Variants in CLN8 observed in about 807,000 individuals in gnomAD.
CLN8 encodes the protein CLN8 transmembrane ER and ERGIC protein.
In CLN8, 14 loss-of-function variants were observed where a neutral mutation model predicts 15.7. The ratio of observed to expected loss-of-function variants is 0.89; its 90% confidence interval spans 0.59 to 1.39. CLN8 has a LOEUF of 1.39. Among genes scored for constraint, CLN8 ranks in the 40% most tolerant of loss-of-function variants. CLN8 has a pLI of 0.00. For missense variants in CLN8, 415 were observed against 364.0 expected (o/e 1.14, Z -1.14); for synonymous variants, 188 against 151.0 (o/e 1.25, Z -1.80).
At chr8:1,760,683 AG>A (rs573476222), upstream of CLN8, among the ~76,000 whole-genome samples, 62 of 152,260 alleles carry the variant, frequency 4.1e-4, no homozygotes, top group South Asian at 0.011. Flanking sequence ...TGCTGTTAGT[AG>A]GAATCTAAGG....
intron 1 of CLN8, chr8:1,764,659 AGT>A (rs374556179): frequency 6.5e-6 from 1 of 153,178 alleles, no homozygotes; most frequent in East Asian, 1.9e-4. Context: ...AGGTCACCAA[AGT>A]GTGCGGGGGA....
At chr8:1,777,265 G>C (rs1801557182) in intron 2 of CLN8, among the ~76,000 whole-genome samples, 1 of 152,138 alleles carries the variant, frequency 6.6e-6, no homozygotes, top group African/African-American at 2.4e-5. Context: ...CCATGTTAAA[G>C]ATGAAAAATG....
intron 1 of CLN8, chr8:1,765,089 G>A (rs1164806486): frequency 6.6e-6 from 1 of 152,204 alleles, no homozygotes; most frequent in Non-Finnish European, 1.5e-5. Context: ...TGGAGGCTGT[G>A]GTTGTTAAGG....
upstream of CLN8, among the ~76,000 whole-genome samples, chr8:1,753,318 C>T (rs1585113676): frequency 7.8e-5 from 1 of 12,812 alleles, no homozygotes; most frequent in African/African-American, 1.8e-4. Flanking sequence ...TGCCTGTAAT[C>T]CCAGCACTTT....
At chr8:1,772,551 C>T (rs1009971459) in intron 2 of CLN8, among the ~76,000 whole-genome samples, 6 of 152,132 alleles carry the variant, frequency 3.9e-5, no homozygotes, top group Admixed American at 2.6e-4. Flanking sequence ...CTCCGCCACC[C>T]GGATTCAAGC....
upstream of CLN8, among the ~76,000 whole-genome samples, chr8:1,753,389 G>A (rs984936701): frequency 6.6e-6 from 1 of 151,900 alleles, no homozygotes; most frequent in African/African-American, 2.4e-5. Context: ...TGGCCAATAC[G>A]GTGAAAACCC....
chr8:1,755,263 G>GAACTAACTAAC (rs1800641714), upstream of CLN8, among the ~76,000 whole-genome samples: 3 of 152,184 alleles, frequency 2.0e-5, no homozygotes, highest in Non-Finnish European at 4.4e-5. Context: ...AACTAACAGA[G>GAACTAACTAAC]AGGTTAGTCT....
chr8:1,756,606 G>C (rs2130944717), intron 1 of CLN8, among the ~76,000 whole-genome samples: 1 of 122,842 alleles, frequency 8.1e-6, no homozygotes, highest in East Asian at 2.4e-4. Context: ...CTATAAATTT[G>C]TTCCTAAAAT....
upstream of CLN8, among the ~76,000 whole-genome samples, chr8:1,761,085 T>C (rs577907360): frequency 1.1e-4 from 16 of 142,926 alleles, no homozygotes; most frequent in East Asian, 3.1e-3. Context: ...AGTGGCATGA[T>C]CTCGGCTCAC....
intron 2 of CLN8, chr8:1,779,863 G>C (rs1801653857): frequency 4.0e-6 from 3 of 748,370 alleles, no homozygotes; most frequent in South Asian, 6.1e-5. Context: ...ATGGGAGCTT[G>C]ATATACCTGT....
upstream of CLN8, chr8:1,763,166 C>T (rs1800849386): frequency 6.6e-6 from 1 of 151,992 alleles, no homozygotes; most frequent in Admixed American, 6.5e-5. Context: ...GCTCCGTCCA[C>T]ACCCGGAGCG....
At chr8:1,757,250 A>G (rs991998104) in intron 1 of CLN8, among the ~76,000 whole-genome samples, 28 of 152,150 alleles carry the variant, frequency 1.8e-4, no homozygotes, top group African/African-American at 6.5e-4. Context: ...GAAGCCTGGT[A>G]GCTTCTCCCC....
At position 1,780,763 on chromosome 8, in the gene CLN8, C is replaced by A; in HGVS notation, c.*196C>A. 1.6e-6 allele frequency: 1 copy of A among 640,468 alleles called. No individual in the cohort carries two copies. The highest frequency in any genetic ancestry group is 2.7e-6 in the Non-Finnish European group (1 of 376,058). 39.7% of individuals were successfully genotyped at this position (640,468 alleles called of 1,614,324 possible). On this transcript the variant is annotated 3_prime_UTR_variant, in exon 3 of 3. Transcript: ENST00000331222. ...TTTTTAAGAAATTATAATTTTATGACTGTCTGGCAGGCTCTGTCAGTTTAG... is the reference window on the plus strand; with the variant it reads ...TTTTTAAGAAATTATAATTTTATGAATGTCTGGCAGGCTCTGTCAGTTTAG...
At position 1,785,014 on chromosome 8, in the gene CLN8, A is replaced by G. The variant is rs1801794834; in HGVS notation, c.*4447A>G. ...ATGCTGGGGAGGAGATGTTGTGTGC[A>G]TGTGAGAAAGCATTTGATAGCATGC... On this transcript the variant is annotated 3_prime_UTR_variant, in exon 3 of 3. Transcript: ENST00000331222. The G allele has an allele frequency of 6.5e-6, 1 of 152,728 alleles. No homozygotes were observed. Among genetic ancestry groups the G allele is most frequent in the African/African-American group, 2.4e-5 (1 of 41,466 alleles). The allele number at this position is 152,728 out of a possible 1,614,324, so 9.5% of individuals were successfully genotyped here.
upstream of CLN8, among the ~76,000 whole-genome samples, chr8:1,761,222 G>C (rs1800789178): frequency 6.6e-6 from 1 of 151,900 alleles, no homozygotes; most frequent in Non-Finnish European, 1.5e-5. Flanking sequence ...ATCCAAACAG[G>C]TGAACTGCAT....
chr8:1,762,965 A>G (rs547059900), upstream of CLN8: 1 of 152,334 alleles, frequency 6.6e-6, no homozygotes, highest in Admixed American at 6.5e-5. Flanking sequence ...CAGAAGAAAC[A>G]TAAGTAACTC....
intron 2 of CLN8, among the ~76,000 whole-genome samples, chr8:1,778,052 C>T (rs1014642965): frequency 6.6e-6 from 1 of 152,210 alleles, no homozygotes; most frequent in Non-Finnish European, 1.5e-5. Flanking sequence ...CCACCTGGTA[C>T]TGCCGCTATG....
chr8:1,762,281 GGTTCAAGCAATTCTGCTTCAGCCTCCTGA>G (rs1456022025), upstream of CLN8: 1 of 152,130 alleles, frequency 6.6e-6, no homozygotes, highest in African/African-American at 2.4e-5. Context: ...CTGCCTCCTG[GGTTCAAGCAATTCTGCTTCAGCCTCCTGA>G]GTAGCTGAGA....
upstream of CLN8, among the ~76,000 whole-genome samples, chr8:1,754,635 G>T (rs929111967): frequency 2.0e-5 from 3 of 152,108 alleles, no homozygotes; most frequent in African/African-American, 7.2e-5. Flanking sequence ...AGCTGCTGTC[G>T]AACACACATT....
Sources: allele counts gnomAD v4.1 joint callset (sites outside exome capture counted in the v4.1 genomes callset), GRCh38; gene constraint gnomAD v4.1.1; transcripts MANE v1.5; gene names NCBI Gene and HGNC (gene_info 2026-07-23, HGNC 2026-07-21).